The following DYNC2H1 variants were observed in gnomAD, a reference collection of about 807,000 sequenced individuals.
DYNC2H1 encodes dynein cytoplasmic 2 heavy chain 1, also known as cytoplasmic dynein 2 heavy chain 1.
A neutral mutation model predicts 570.0 loss-of-function variants in DYNC2H1; 410 were observed. The observed-to-expected ratio is 0.72, with a 90% confidence interval of 0.66 to 0.78. DYNC2H1 has a LOEUF of 0.78. Ranked by LOEUF, DYNC2H1 falls within the 30% of genes least tolerant of loss-of-function variation. The pLI is 0.00. For synonymous variants in DYNC2H1, 1,688 were observed against 1,677.6 expected (o/e 1.01, Z -0.15); for missense variants, 4,865 against 5,046.4 (o/e 0.96, Z 1.09).
intron 65 of DYNC2H1, 40 bp from the exon 66 acceptor site, chr11:103,253,245 G>A (rs1864908223): frequency 6.4e-7 from 1 of 1,563,056 alleles, no homozygotes. Context: ...GTGAAATACA[G>A]AAGATTCAGA....
chr11:103,391,770 C>G (rs1382766025), intron 83 of DYNC2H1, among the ~76,000 whole-genome samples: 1 of 152,196 alleles, frequency 6.6e-6, no homozygotes, highest in Non-Finnish European at 1.5e-5. Flanking sequence ...CGCTCCAGAC[C>G]CTGTTTGCCT....
chr11:103,473,906 A>T (rs1267173607), intron 88 of DYNC2H1, among the ~76,000 whole-genome samples: 1 of 152,218 alleles, frequency 6.6e-6, no homozygotes, highest in Non-Finnish European at 1.5e-5. Context: ...CTCAGAGAAA[A>T]TAGAACTATA....
intron 82 of DYNC2H1, among the ~76,000 whole-genome samples, chr11:103,347,998 A>G (rs1939837501): frequency 6.6e-6 from 1 of 152,310 alleles, no homozygotes; most frequent in African/African-American, 2.4e-5. Flanking sequence ...ATAGGGGAGG[A>G]AAGATTAGAC....
chr11:103,460,595 TCA>T (rs1167506420), intron 87 of DYNC2H1, among the ~76,000 whole-genome samples: 1 of 151,832 alleles, frequency 6.6e-6, no homozygotes, highest in Non-Finnish European at 1.5e-5. Flanking sequence ...GCCTTGGCTG[TCA>T]CAGTTATGAG....
chr11:103,126,744 C>T (rs921952068), intron 12 of DYNC2H1, among the ~76,000 whole-genome samples: 4 of 151,340 alleles, frequency 2.6e-5, no homozygotes, highest in African/African-American at 9.7e-5. Context: ...TCATGCCATT[C>T]TCCTGCCTCA....
At chr11:103,158,598 TAAAA>T in intron 26 of DYNC2H1, 75 bp from the exon 27 acceptor site, 1 of 1,193,718 alleles carries the variant, frequency 8.4e-7, no homozygotes. Context: ...TTTAAGCAGG[TAAAA>T]AAAGTCTTAA....
intron 82 of DYNC2H1, among the ~76,000 whole-genome samples, chr11:103,340,834 T>G (rs915448290): frequency 6.6e-6 from 1 of 152,126 alleles, no homozygotes; most frequent in Non-Finnish European, 1.5e-5. Flanking sequence ...GCTAGAACAG[T>G]TGATTCACTC....
In DYNC2H1 at chr11:103,222,112, G is replaced by C. The variant is rs1863610706; in HGVS notation, c.9190G>C (p.Glu3064Gln). The change falls in exon 58 of 89, where the codon GAA becomes CAA. Residue 3064 changes from glutamate to glutamine, a missense_variant. Coordinates refer to ENST00000375735, the MANE Select transcript of DYNC2H1 (RefSeq NM_001377.3). ...TTCAAAGGAAATAAGAGAGAGTGTT[G>C]AAGAACTTCTTTTTAAAAATAAAGG... ...NISKEIRESV[E>Q]ELLFKNKGSF... 1.3e-6 allele frequency: 2 copies of C among 1,592,698 alleles called. No individual in the cohort carries two copies. Among genetic ancestry groups the C allele is most frequent in the South Asian group, 2.3e-5 (2 of 86,350 alleles).
chr11:103,302,264 A>G (rs139921517), intron 75 of DYNC2H1, among the ~76,000 whole-genome samples: 2,292 of 152,194 alleles, frequency 0.015, 71 homozygotes, highest in African/African-American at 0.052. Flanking sequence ...TAAAATTAAT[A>G]TAGTGATATT....
rs183493400 is a variant in DYNC2H1 at position 103,479,298 on chromosome 11, T to A, written c.*45T>A. On this transcript the variant is annotated 3_prime_UTR_variant, in exon 89 of 89. Coordinates refer to ENST00000375735, the MANE Select transcript of DYNC2H1 (RefSeq NM_001377.3). Reference sequence around the variant, plus strand: ...CCATCTTCACAAAAGGGAACATTGATTCTTTAAGCTTTAAATCAAACATGT... The same window carrying A: ...CCATCTTCACAAAAGGGAACATTGAATCTTTAAGCTTTAAATCAAACATGT... 3.4e-5 allele frequency: 54 copies of A among 1,573,410 alleles called. No individual in the cohort carries two copies. In the East Asian group the frequency reaches 1.2e-3, roughly 35 times the overall value.
Position 103,165,892 on chromosome 11 carries a change from C to G in DYNC2H1, c.4612-6C>G. Reference sequence around the variant, plus strand: ...TTTAAAAATAATTTTTCTCTTTATTCAATAGATTTTATGCTTGGCGGAGCA... The same window carrying G: ...TTTAAAAATAATTTTTCTCTTTATTGAATAGATTTTATGCTTGGCGGAGCA... On this transcript the variant is annotated splice_region_variant and splice_polypyrimidine_tract_variant and intron_variant, in intron 30 of 88. Transcript: ENST00000375735. 6.9e-7 allele frequency: 1 copy of G among 1,449,144 alleles called. No individual in the cohort carries two copies. Among genetic ancestry groups the G allele is most frequent in the Non-Finnish European group, 9.1e-7 (1 of 1,101,382 alleles). 89.8% of individuals were successfully genotyped at this position (1,449,144 alleles called of 1,614,324 possible).
intron 83 of DYNC2H1, among the ~76,000 whole-genome samples, chr11:103,376,142 G>A (rs1941380881): frequency 1.3e-5 from 2 of 152,158 alleles, no homozygotes; most frequent in African/African-American, 4.8e-5. Flanking sequence ...TCTCTCTCCT[G>A]CTGTCCTGTG....
In DYNC2H1 at chr11:103,154,439, T is replaced by G. The variant is rs754262958; in HGVS notation, c.3303-12T>G. 1.1e-5 allele frequency: 17 copies of G among 1,506,686 alleles called. No individual in the cohort carries two copies. Among genetic ancestry groups the G allele is most frequent in the Non-Finnish European group, 1.2e-5 (14 of 1,134,816 alleles). 93.3% of individuals were successfully genotyped at this position (1,506,686 alleles called of 1,614,324 possible). ...TTTTTAAAATTTAATATTTCAATAT[T>G]TGTTTCTATAGTGATGATTGCCATC... On this transcript the variant is annotated splice_polypyrimidine_tract_variant and intron_variant, in intron 22 of 88. Coordinates refer to ENST00000375735, the MANE Select transcript of DYNC2H1 (RefSeq NM_001377.3).
intron 87 of DYNC2H1, among the ~76,000 whole-genome samples, chr11:103,463,678 G>A (rs1025259010): frequency 5.9e-5 from 9 of 152,158 alleles, no homozygotes; most frequent in African/African-American, 1.9e-4. Context: ...CTGAGTCCAG[G>A]AGATCAAGGC....
intron 84 of DYNC2H1, among the ~76,000 whole-genome samples, chr11:103,411,833 A>G (rs530036767): frequency 3.3e-5 from 5 of 152,266 alleles, no homozygotes; most frequent in African/African-American, 9.6e-5. Flanking sequence ...AAAGTATTCT[A>G]TATTATACTT....
chr11:103,248,229 C>T (rs1043172222), intron 65 of DYNC2H1, among the ~76,000 whole-genome samples: 2 of 151,904 alleles, frequency 1.3e-5, no homozygotes, highest in African/African-American at 4.8e-5. Context: ...TCCCATTCAT[C>T]TTGAGTTGTG....
intron 83 of DYNC2H1, among the ~76,000 whole-genome samples, chr11:103,375,257 A>G (rs1045435522): frequency 6.6e-6 from 1 of 152,226 alleles, no homozygotes; most frequent in Non-Finnish European, 1.5e-5. Flanking sequence ...GTATGGTAAT[A>G]GATGGATGTC....
intron 87 of DYNC2H1, among the ~76,000 whole-genome samples, chr11:103,460,347 G>C (rs916967490): frequency 6.6e-6 from 1 of 151,856 alleles, no homozygotes; most frequent in Non-Finnish European, 1.5e-5. Context: ...ATAAGCAAGG[G>C]AAACCAGTTT....
At chr11:103,213,439 T>C (rs1405559011) in intron 54 of DYNC2H1, among the ~76,000 whole-genome samples, 2 of 152,208 alleles carry the variant, frequency 1.3e-5, no homozygotes, top group Non-Finnish European at 2.9e-5. Flanking sequence ...TTTATCTGTT[T>C]AGCTTTTCTA....
Sources: allele counts gnomAD v4.1 joint callset (sites outside exome capture counted in the v4.1 genomes callset), GRCh38; gene constraint gnomAD v4.1.1; transcripts MANE v1.5; gene names NCBI Gene and HGNC (gene_info 2026-07-23, HGNC 2026-07-21).